The following FRMPD4 variants were observed in gnomAD, a reference collection of about 807,000 sequenced individuals.
FRMPD4 encodes the protein FERM and PDZ domain containing 4.
In FRMPD4, 22 loss-of-function variants were observed where a neutral mutation model predicts 94.1. That is an observed-to-expected ratio of 0.23 (90% CI 0.17 to 0.33). FRMPD4 has a LOEUF of 0.33. Ranked by LOEUF, FRMPD4 falls within the 10% of genes least tolerant of loss-of-function variation. FRMPD4 has a pLI of 1.00. For missense variants in FRMPD4, 1,111 were observed against 1,339.9 expected, an observed-to-expected ratio of 0.83 and a Z score of 2.67; for synonymous variants, 631 against 548.6, an observed-to-expected ratio of 1.15 and a Z score of -2.10.
At chrX:11,945,153 C>G (rs138313486) in intron 3 of FRMPD4, among the ~76,000 whole-genome samples, 1 of 111,505 alleles carries the variant, frequency 9.0e-6, no homozygotes, top group East Asian at 2.8e-4. Context: ...TCTTGCCCCT[C>G]CAACCCCCCA....
At chrX:11,962,334 A>G (rs896511938) in intron 3 of FRMPD4, among the ~76,000 whole-genome samples, 1 of 111,884 alleles carries the variant, frequency 8.9e-6, no homozygotes, top group Non-Finnish European at 1.9e-5. Flanking sequence ...CAGAGCAGGA[A>G]GAGCAGAAGG....
intron 3 of FRMPD4, among the ~76,000 whole-genome samples, chrX:12,611,371 C>A (rs759668769): frequency 5.4e-5 from 6 of 112,084 alleles, no homozygotes; most frequent in African/African-American, 1.9e-4. Context: ...CTGCCTGAAT[C>A]TGACTCCTAC....
intron 4 of FRMPD4, among the ~76,000 whole-genome samples, chrX:12,621,982 G>GAAAGAAAA (rs1193402277): frequency 3.2e-5 from 1 of 31,029 alleles, no homozygotes; most frequent in South Asian, 1.8e-3. Flanking sequence ...AAGAAAGAAA[G>GAAAGAAAA]AAAGAAAGAA....
At chrX:12,069,028 A>G (rs1009318418) in intron 3 of FRMPD4, among the ~76,000 whole-genome samples, 1 of 111,977 alleles carries the variant, frequency 8.9e-6, no homozygotes, top group African/African-American at 3.2e-5. Context: ...GAGCATGCAG[A>G]ATGAAGAGTG....
chrX:12,717,367 A>G (rs1337516528), intron 15 of FRMPD4, 134 bp from the exon 16 acceptor site: 7 of 504,227 alleles, frequency 1.4e-5, no homozygotes, highest in Non-Finnish European at 2.3e-5. Context: ...AAAAACTGCA[A>G]TAAACTCAGA....
intron 3 of FRMPD4, among the ~76,000 whole-genome samples, chrX:11,898,990 T>A (rs1195241009): frequency 8.9e-6 from 1 of 112,549 alleles, no homozygotes; most frequent in Non-Finnish European, 1.9e-5. Context: ...AACATAACAT[T>A]CAACTTCCTT....
chrX:12,666,844 T>C (rs1425495294), intron 4 of FRMPD4, among the ~76,000 whole-genome samples: 2 of 112,053 alleles, frequency 1.8e-5, no homozygotes, highest in African/African-American at 6.5e-5. Flanking sequence ...AGATCTAAAA[T>C]TGACACCCTA....
intron 1 of FRMPD4, among the ~76,000 whole-genome samples, chrX:11,842,869 G>T (rs1294571984): frequency 9.3e-6 from 1 of 108,090 alleles, no homozygotes; most frequent in African/African-American, 3.4e-5. Context: ...CATTCAGTAT[G>T]ATATTGGCTG....
intron 1 of FRMPD4, among the ~76,000 whole-genome samples, chrX:12,477,734 T>C (rs1394102311): frequency 8.9e-6 from 1 of 112,973 alleles, no homozygotes; most frequent in Non-Finnish European, 1.9e-5. Flanking sequence ...GCTCATTACA[T>C]GCAAGTATAA....
chrX:12,257,726 T>C (rs1347430667), intron 1 of FRMPD4, among the ~76,000 whole-genome samples: 1 of 111,562 alleles, frequency 9.0e-6, no homozygotes, highest in Non-Finnish European at 1.9e-5. Context: ...ACTGAAAAAA[T>C]GAAAATCCCA....
At chrX:11,892,119 G>C (rs1305503618) in intron 3 of FRMPD4, among the ~76,000 whole-genome samples, 1 of 112,222 alleles carries the variant, frequency 8.9e-6, no homozygotes, top group Non-Finnish European at 1.9e-5. Flanking sequence ...ATGTATATAG[G>C]TGGGGATAGA....
At chrX:12,717,187 C>T (rs182982294) in intron 15 of FRMPD4, 54 bp downstream of exon 15, 1,016 of 834,923 alleles carry the variant, frequency 1.2e-3, no homozygotes, top group Middle Eastern at 4.3e-3. Flanking sequence ...TTCCATCCTT[C>T]CAAGCCATTT....
intron 3 of FRMPD4, among the ~76,000 whole-genome samples, chrX:12,027,402 A>T (rs1280623571): frequency 8.9e-6 from 1 of 112,096 alleles, no homozygotes; most frequent in Non-Finnish European, 1.9e-5. Context: ...CCTCAACCAC[A>T]TAAATATTTG....
chrX:12,449,431 G>A (rs1186472845), intron 1 of FRMPD4, among the ~76,000 whole-genome samples: 5 of 111,828 alleles, frequency 4.5e-5, no homozygotes, highest in Admixed American at 2.8e-4. Context: ...TACTGTTGTC[G>A]TTTTTTCAGT....
intron 1 of FRMPD4, among the ~76,000 whole-genome samples, chrX:12,248,510 T>C (rs771915080): frequency 7.7e-4 from 87 of 112,528 alleles, no homozygotes; most frequent in African/African-American, 2.5e-3. Flanking sequence ...CTGTAACATG[T>C]TAGCAAACTT....
chrX:11,827,004 G>A (rs1275193376), intron 1 of FRMPD4, among the ~76,000 whole-genome samples: 1 of 103,542 alleles, frequency 9.7e-6, no homozygotes, highest in African/African-American at 3.5e-5. Flanking sequence ...GTGAATTTCT[G>A]GGGCATGCTG....
chrX:11,948,607 A>T (rs1189203117), intron 3 of FRMPD4, among the ~76,000 whole-genome samples: 1 of 111,260 alleles, frequency 9.0e-6, no homozygotes, highest in Non-Finnish European at 1.9e-5. Context: ...AGCTCTTGGA[A>T]AGGGGAAGGG....
chrX:12,681,467 A>G (rs2059970733), intron 5 of FRMPD4, among the ~76,000 whole-genome samples: 1 of 112,006 alleles, frequency 8.9e-6, no homozygotes, highest in East Asian at 2.8e-4. Flanking sequence ...GTTTAAAGCT[A>G]TTCTTTCGGT....
intron 4 of FRMPD4, among the ~76,000 whole-genome samples, chrX:12,648,450 T>C (rs2059567713): frequency 9.0e-6 from 1 of 111,671 alleles, no homozygotes; most frequent in South Asian, 3.8e-4. Context: ...TTCCCTCCTA[T>C]ATCTCGCATG....
Sources: gnomAD v4.1 joint callset for allele counts (sites outside exome capture counted in the v4.1 genomes callset) on GRCh38, gnomAD v4.1.1 for gene constraint, MANE v1.5 for transcripts, NCBI Gene and HGNC (gene_info 2026-07-23, HGNC 2026-07-21) for gene names.